The following COX10 variants were observed in gnomAD, a reference collection of about 807,000 sequenced individuals.
COX10 encodes cytochrome c oxidase assembly factor heme A:farnesyltransferase COX10, also known as protoheme IX farnesyltransferase, mitochondrial.
COX10 carries 27 observed loss-of-function variants against 37.3 expected under a neutral mutation model. The observed-to-expected ratio is 0.72, with a 90% confidence interval of 0.53 to 1.00. The LOEUF (loss-of-function observed/expected upper bound fraction) is 1.00. COX10 is among the 50% of genes least tolerant of loss of function. COX10 has a pLI of 0.00. For missense variants in COX10, 475 were observed against 563.2 expected (o/e 0.84, Z 1.59); for synonymous variants, 222 against 229.1 (o/e 0.97, Z 0.28).
At chr17:14,115,244 A>G (rs1226053028) in intron 4 of COX10, among the ~76,000 whole-genome samples, 1 of 152,190 alleles carries the variant, frequency 6.6e-6, no homozygotes, top group Non-Finnish European at 1.5e-5. Context: ...TACGATGTAC[A>G]GAGGAAGATG....
intron 4 of COX10, among the ~76,000 whole-genome samples, chr17:14,124,311 C>G (rs1916289031): frequency 6.6e-6 from 1 of 152,078 alleles, no homozygotes; most frequent in Non-Finnish European, 1.5e-5. Flanking sequence ...ACTTTATTGC[C>G]ATTTTATCAA....
chr17:14,114,107 A>T (rs1413066593), intron 4 of COX10, among the ~76,000 whole-genome samples: 1 of 152,080 alleles, frequency 6.6e-6, no homozygotes, highest in African/African-American at 2.4e-5. Context: ...CCATATTAGT[A>T]TATTTTTTGA....
chr17:14,123,933 ATT>A (rs3837821), intron 4 of COX10, among the ~76,000 whole-genome samples: 1 of 151,624 alleles, frequency 6.6e-6, no homozygotes, highest in Non-Finnish European at 1.5e-5. Context: ...AGTATCAAGT[ATT>A]TTTTTTTCCT....
chr17:14,114,203 A>G (rs1453963683), intron 4 of COX10, among the ~76,000 whole-genome samples: 1 of 152,130 alleles, frequency 6.6e-6, no homozygotes, highest in Non-Finnish European at 1.5e-5. Context: ...TCACACGTAC[A>G]TTAAGTATGG....
chr17:14,136,619 T>G (rs1183883868), intron 4 of COX10, among the ~76,000 whole-genome samples: 1 of 152,002 alleles, frequency 6.6e-6, no homozygotes, highest in South Asian at 2.1e-4. Context: ...TTTTAGTGAA[T>G]CTCTGACCTC....
rs554875468 is a variant in COX10 at position 14,088,893 on chromosome 17, G to A, written c.499+11837G>A. On this transcript the variant is annotated intron_variant, in intron 3 of 6. Coordinates refer to ENST00000261643, the MANE Select transcript of COX10 (RefSeq NM_001303.4). ...CATCATATTGTATTCTGGGCAGAAAGAAGAAATGAGAAGGAAATGTGGAAA... is the reference window on the plus strand; with the variant it reads ...CATCATATTGTATTCTGGGCAGAAAAAAGAAATGAGAAGGAAATGTGGAAA... 7.2e-4 allele frequency among the ~76,000 whole-genome samples: 110 copies of A among 152,212 alleles called. 1 individual carries two copies. Among genetic ancestry groups the A allele is most frequent in the African/African-American group, 2.6e-3 (106 of 41,522 alleles).
At chr17:14,139,845 T>C (rs1649867994) in intron 4 of COX10, among the ~76,000 whole-genome samples, 1 of 152,200 alleles carries the variant, frequency 6.6e-6, no homozygotes, top group South Asian at 2.1e-4. Context: ...GCTATAATAG[T>C]AGTAAAAATA....
At chr17:14,074,480 C>T (rs375225357) in intron 2 of COX10, 24 bp downstream of exon 2, 25 of 1,513,836 alleles carry the variant, frequency 1.7e-5, no homozygotes, top group Middle Eastern at 1.7e-4. Flanking sequence ...ACCATTCTTA[C>T]TCTGTTACTT....
chr17:14,071,098 G>A (rs1250016245), intron 1 of COX10, among the ~76,000 whole-genome samples: 1 of 152,182 alleles, frequency 6.6e-6, no homozygotes, highest in Non-Finnish European at 1.5e-5. Context: ...GACTGTGAAT[G>A]TTCTTTGATC....
intron 4 of COX10, among the ~76,000 whole-genome samples, chr17:14,113,943 C>T (rs1916058271): frequency 6.6e-6 from 1 of 152,134 alleles, no homozygotes; most frequent in African/African-American, 2.4e-5. Flanking sequence ...GGCGTTACGA[C>T]AATGTATATT....
At chr17:14,082,579 G>A (rs1915320740) in intron 3 of COX10, among the ~76,000 whole-genome samples, 1 of 151,836 alleles carries the variant, frequency 6.6e-6, no homozygotes, top group South Asian at 2.1e-4. Context: ...GGCTATTGTT[G>A]TATTATTTCT....
At chr17:14,179,748 A>G in intron 5 of COX10, among the ~76,000 whole-genome samples, 1 of 151,692 alleles carries the variant, frequency 6.6e-6, no homozygotes, top group South Asian at 2.1e-4. Context: ...TAACGCTGAC[A>G]GGGAAATAAT....
At chr17:14,115,809 G>A (rs1916098113) in intron 4 of COX10, among the ~76,000 whole-genome samples, 1 of 152,106 alleles carries the variant, frequency 6.6e-6, no homozygotes, top group Admixed American at 6.5e-5. Context: ...TTTATAAGTG[G>A]AAACTAAATA....
At chr17:14,103,387 A>T (rs1484410089) in intron 4 of COX10, among the ~76,000 whole-genome samples, 1 of 152,108 alleles carries the variant, frequency 6.6e-6, no homozygotes, top group Non-Finnish European at 1.5e-5. Context: ...TACTACCTCT[A>T]TTTGGTTATA....
intron 5 of COX10, among the ~76,000 whole-genome samples, chr17:14,182,673 AT>A (rs1905904687): frequency 6.6e-6 from 1 of 152,066 alleles, no homozygotes; most frequent in Admixed American, 6.6e-5. Flanking sequence ...AAGGTTTTGC[AT>A]TTTCTTTTGT....
chr17:14,157,234 T>C (rs1905060887), intron 4 of COX10, among the ~76,000 whole-genome samples: 1 of 152,238 alleles, frequency 6.6e-6, no homozygotes, highest in Non-Finnish European at 1.5e-5. Context: ...GCATACTGCA[T>C]AGAGTAAGAA....
At chr17:14,073,839 T>C (rs2142180039) in intron 1 of COX10, among the ~76,000 whole-genome samples, 1 of 152,312 alleles carries the variant, frequency 6.6e-6, no homozygotes, top group South Asian at 2.1e-4. Flanking sequence ...AAAAATAGTT[T>C]ATTCCTAACT....
At chr17:14,073,811 G>A (rs140492095) in intron 1 of COX10, among the ~76,000 whole-genome samples, 30 of 152,222 alleles carry the variant, frequency 2.0e-4, no homozygotes, top group Admixed American at 7.2e-4. Flanking sequence ...ATGACTAAAA[G>A]CCAAATTTAG....
At position 14,137,051 on chromosome 17, in the gene COX10, G is replaced by GT. The variant is rs552042374; in HGVS notation, c.625-22819dup. Among the ~76,000 whole-genome samples the GT allele has an allele frequency of 4.1e-4, 62 of 151,818 alleles. No individual in the cohort carries two copies. In the East Asian group the frequency reaches 0.012, roughly 28 times the overall value. On this transcript the variant is annotated intron_variant, in intron 4 of 6. Coordinates refer to ENST00000261643, the MANE Select transcript of COX10 (RefSeq NM_001303.4). ...GGGTAAAGATGTTTTTAGGTGGTGT[G>GT]TTTTTTTAATTGTTTTACCAAGAGT...
Sources: gnomAD v4.1 joint callset for allele counts (sites outside exome capture counted in the v4.1 genomes callset) on GRCh38, gnomAD v4.1.1 for gene constraint, MANE v1.5 for transcripts, NCBI Gene and HGNC (gene_info 2026-07-23, HGNC 2026-07-21) for gene names.